The following COL18A1 variants were observed in gnomAD, a reference collection of about 807,000 sequenced individuals.
COL18A1 encodes the protein collagen alpha-1(XVIII) chain.
In COL18A1, 133 loss-of-function variants were observed where a neutral mutation model predicts 168.0. The observed-to-expected ratio is 0.79, with a 90% CI of 0.69 to 0.91. COL18A1 has a LOEUF of 0.91. Ranked by LOEUF, COL18A1 falls within the 40% of genes least tolerant of loss-of-function variation. COL18A1 has a pLI of 0.00. For synonymous variants in COL18A1, 949 were observed against 809.0 expected (o/e 1.17, Z -2.94); for missense variants, 2,126 against 1,925.4 (o/e 1.10, Z -1.95).
intron 2 of COL18A1, among the ~76,000 whole-genome samples, chr21:45,434,916 G>C (rs931860348): frequency 1.3e-5 from 2 of 152,164 alleles, no homozygotes; most frequent in Admixed American, 6.5e-5. Context: ...CCTGGTTCCT[G>C]TGATGCTGAC....
intron 2 of COL18A1, among the ~76,000 whole-genome samples, chr21:45,416,212 A>T (rs1229518791): frequency 1.3e-5 from 2 of 152,044 alleles, no homozygotes; most frequent in Non-Finnish European, 2.9e-5. Context: ...GGGAATGGGG[A>T]CCTTCTCTGA....
At chr21:45,427,480 G>A (rs924091339) in intron 2 of COL18A1, among the ~76,000 whole-genome samples, 3 of 152,144 alleles carry the variant, frequency 2.0e-5, no homozygotes, top group South Asian at 2.1e-4. Context: ...CTGTGTGCCC[G>A]GGTGCCGTGC....
intron 2 of COL18A1, among the ~76,000 whole-genome samples, chr21:45,411,709 C>T (rs1602329667): frequency 6.9e-6 from 1 of 144,292 alleles, no homozygotes; most frequent in East Asian, 2.1e-4. Flanking sequence ...GCTTCGTCTT[C>T]TCACAGCTCT....
At position 45,510,146 on chromosome 21, in the gene COL18A1, C is replaced by T. The variant is rs1425637945; in HGVS notation, c.3578C>T (p.Ala1193Val). ...RGADFQCFQQ[A>V]RAVGLAGTFR... is the part of the protein sequence containing the mutation. ...GCCGACTTCCAGTGCTTCCAGCAGG[C>T]GCGGGCCGTGGGGCTGGCGGGCACC... Residue 1193 changes from alanine (A) to valine (V), a missense_variant, in exon 40 of 42, where the codon GCG becomes GTG. Ala to Val is a moderately conservative substitution (Grantham distance 64). Transcript: ENST00000651438. 7.5e-6 allele frequency: 12 copies of T among 1,599,036 alleles called. No homozygotes were observed. The highest frequency in any genetic ancestry group is 2.3e-5 in the East Asian group (1 of 43,884).
chr21:45,456,289 A>G (rs774188278), intron 2 of COL18A1: 1 of 1,564,470 alleles, frequency 6.4e-7, no homozygotes, highest in Non-Finnish European at 8.7e-7. Flanking sequence ...AGCAGCTCCA[A>G]CGCCCTGACG....
At position 45,468,449 on chromosome 21, in the gene COL18A1, CA is replaced by C; in HGVS notation, c.315del (p.Val107CysfsTer17). 2 of 1,614,112 alleles carry C rather than the reference CA, an allele frequency of 1.2e-6. No individual in the cohort carries two copies. Among genetic ancestry groups the C allele is most frequent in the Non-Finnish European group, 1.7e-6 (2 of 1,180,032 alleles). On this transcript the variant is annotated frameshift_variant, in exon 3 of 42. Transcript: ENST00000651438. LOFTEE classifies it high-confidence loss of function. ...CACATCCGGCCAGCCACAGAGGGCCCAGGGGTGCTGTTCGCCATCACGGACT... is the reference window on the plus strand; with the variant it reads ...CACATCCGGCCAGCCACAGAGGGCCCGGGGTGCTGTTCGCCATCACGGACT... ...LFHIRPATEG[P>X]GVLFAITDSA...
chr21:45,509,541 C>A lies in COL18A1; in HGVS notation c.3435C>A (p.His1145Gln). The change falls in exon 39 of 42, where the codon CAC (histidine) becomes CAA (glutamine). Residue 1145 changes from histidine to glutamine, a missense_variant. Transcript: ENST00000651438. ...CCCCGCACCACAGCTCCTACGTGCA[C>A]CTGCGGCCGGCGCGACCCACAAGCC... is the stretch of plus-strand genomic sequence containing the variant. Reference protein sequence around the residue: ...PGAPHHSSYVHLRPARPTSPP... With the variant: ...PGAPHHSSYVQLRPARPTSPP... 1.3e-6 allele frequency: 2 copies of A among 1,538,506 alleles called. No homozygotes were observed. The highest frequency in any genetic ancestry group is 1.7e-6 in the Non-Finnish European group (2 of 1,145,606).
chr21:45,461,232 C>T (rs1266697289), intron 2 of COL18A1, among the ~76,000 whole-genome samples: 3 of 152,112 alleles, frequency 2.0e-5, no homozygotes, highest in Non-Finnish European at 4.4e-5. Context: ...GGGCTGGCCT[C>T]GGCTGTGCCC....
chr21:45,482,335 A>G, intron 14 of COL18A1: 1 of 683,424 alleles, frequency 1.5e-6, no homozygotes, highest in Non-Finnish European at 2.7e-6. Flanking sequence ...CCTCTGTCGG[A>G]CTGACGCAAG....
At chr21:45,482,500 C>T (rs563405378) in intron 14 of COL18A1, 2 of 589,656 alleles carry the variant, frequency 3.4e-6, no homozygotes, top group South Asian at 1.9e-5. Context: ...CTGCTCTAAG[C>T]CTGTGGCTGA....
intron 18 of COL18A1, among the ~76,000 whole-genome samples, chr21:45,489,284 C>T (rs368608468): frequency 5.9e-5 from 9 of 152,214 alleles, no homozygotes; most frequent in Admixed American, 3.3e-4. Context: ...GCAGCCGTCC[C>T]GGCCGGGTGC....
chr21:45,506,037 C>T (rs1407256548), intron 37 of COL18A1, 71 bp downstream of exon 37: 21 of 1,608,514 alleles, frequency 1.3e-5, no homozygotes, highest in Middle Eastern at 1.8e-4. Context: ...TTAAGGAAGG[C>T]GAGAGGCTCA....
intron 2 of COL18A1, among the ~76,000 whole-genome samples, chr21:45,439,658 C>T (rs2034314933): frequency 6.6e-6 from 1 of 152,200 alleles, no homozygotes; most frequent in Non-Finnish European, 1.5e-5. Context: ...TCCGGGTCTG[C>T]GAGCTGCGGC....
At chr21:45,484,561 G>C (rs1422821841) in intron 15 of COL18A1, among the ~76,000 whole-genome samples, 1 of 152,242 alleles carries the variant, frequency 6.6e-6, no homozygotes, top group Non-Finnish European at 1.5e-5. Flanking sequence ...CAGCTCTCAT[G>C]TATGTGCACG....
intron 2 of COL18A1, among the ~76,000 whole-genome samples, chr21:45,441,062 TCCG>T (rs2034357561): frequency 6.6e-6 from 1 of 152,178 alleles, no homozygotes; most frequent in African/African-American, 2.4e-5. Context: ...CACCCGCCTT[TCCG>T]CTCCAAGCTC....
At chr21:45,450,875 T>C (rs2034604971) in intron 2 of COL18A1, among the ~76,000 whole-genome samples, 1 of 152,226 alleles carries the variant, frequency 6.6e-6, no homozygotes, top group Non-Finnish European at 1.5e-5. Flanking sequence ...GTGGCAGTGG[T>C]GAGCCCTCGA....
chr21:45,468,549 C>A lies in COL18A1; in HGVS notation c.414C>A (p.Leu138=), dbSNP rs775426980. 6.2e-7 allele frequency: 1 copy of A among 1,613,504 alleles called. No individual in the cohort carries two copies. Among genetic ancestry groups the A allele is most frequent in the Non-Finnish European group, 8.5e-7 (1 of 1,179,960 alleles). The stretch of plus-strand genomic sequence containing the variant: ...ACGGGCACCAGGACATCTCCCTGCT[C>A]TACACAGAACCAGGTGCAGGCCAGA... The part of the protein sequence containing the change: ...VQDGHQDISL[L]YTEPGAGQTH... Residue 138 remains leucine (L), a synonymous_variant, in exon 3 of 42, where the codon CTC becomes CTA. Transcript: ENST00000651438.
At chr21:45,421,921 T>G (rs2033636135) in intron 2 of COL18A1, among the ~76,000 whole-genome samples, 2 of 152,156 alleles carry the variant, frequency 1.3e-5, no homozygotes, top group South Asian at 4.1e-4. Context: ...CCTCTCAGCT[T>G]GCAACCCTCC....
At chr21:45,454,278 TACAGCATGTCCTGACCTGGG>T (rs1417042632) in intron 2 of COL18A1, among the ~76,000 whole-genome samples, 1 of 152,148 alleles carries the variant, frequency 6.6e-6, no homozygotes, top group Non-Finnish European at 1.5e-5. Flanking sequence ...GACCGATGGC[TACAGCATGTCCTGACCTGGG>T]GACAGCTGGG....
Sources: allele counts gnomAD v4.1 joint callset (sites outside exome capture counted in the v4.1 genomes callset), GRCh38; gene constraint gnomAD v4.1.1; transcripts MANE v1.5; gene names NCBI Gene and HGNC (gene_info 2026-07-23, HGNC 2026-07-21).